Variants in MACROD2 observed in about 807,000 individuals in gnomAD.
MACROD2 encodes mono-ADP ribosylhydrolase 2.
A neutral mutation model predicts 70.4 loss-of-function variants in MACROD2; 36 were observed. The ratio of observed to expected loss-of-function variants is 0.51; its 90% confidence interval spans 0.39 to 0.68. The LOEUF is 0.68. Ranked by LOEUF, MACROD2 falls within the 30% of genes least tolerant of loss-of-function variation. The pLI is 0.00. For missense variants in MACROD2, 496 were observed against 538.4 expected (o/e 0.92, Z 0.78); for synonymous variants, 172 against 178.8 (o/e 0.96, Z 0.30).
chr20:14,214,963 A>ATT (rs2081603027), intron 3 of MACROD2, among the ~76,000 whole-genome samples: 1 of 151,184 alleles, frequency 6.6e-6, no homozygotes, highest in Admixed American at 6.6e-5. Context: ...CTAGTGTTCC[A>ATT]TTATATATAT....
At chr20:15,856,250 T>C (rs556871140) in intron 8 of MACROD2, among the ~76,000 whole-genome samples, 1 of 152,332 alleles carries the variant, frequency 6.6e-6, no homozygotes, top group African/African-American at 2.4e-5. Flanking sequence ...TTTTAATACA[T>C]CCTAGTTTAG....
intron 5 of MACROD2, among the ~76,000 whole-genome samples, chr20:14,981,329 A>T (rs1288974004): frequency 6.6e-6 from 1 of 151,502 alleles, no homozygotes. Flanking sequence ...TTTTCCATTC[A>T]CCTGGGTAAG....
At chr20:14,299,904 A>AT (rs1022380862) in intron 3 of MACROD2, among the ~76,000 whole-genome samples, 4 of 151,652 alleles carry the variant, frequency 2.6e-5, no homozygotes, top group Admixed American at 6.6e-5. Context: ...TAAATTTCAC[A>AT]TTTTTTTTCT....
At chr20:15,024,363 G>A (rs1290115330) in intron 5 of MACROD2, among the ~76,000 whole-genome samples, 1 of 152,036 alleles carries the variant, frequency 6.6e-6, no homozygotes, top group African/African-American at 2.4e-5. Context: ...AAGGAAGAGG[G>A]AGAAGAAGAA....
At position 15,731,944 on chromosome 20, in the gene MACROD2, C is replaced by T. The variant is rs202190727; in HGVS notation, c.646-130801C>T. ...CTATTTTTTGTATTTTTAGTAGAGA[C>T]GGGGTTTCACCATGTTGGCCAGGCT... On this transcript the variant is annotated intron_variant, in intron 8 of 17. Coordinates refer to ENST00000684519, the MANE Select transcript of MACROD2 (RefSeq NM_001351661.2). 1.9e-4 allele frequency among the ~76,000 whole-genome samples: 11 copies of T among 58,570 alleles called. 2 individuals carry two copies. The highest frequency in any genetic ancestry group is 5.2e-4 in the African/African-American group (11 of 21,110). 38.4% of individuals were successfully genotyped at this position (58,570 alleles called of 152,430 possible).
At chr20:15,231,276 T>A (rs894888477) in intron 6 of MACROD2, among the ~76,000 whole-genome samples, 3 of 152,212 alleles carry the variant, frequency 2.0e-5, no homozygotes, top group African/African-American at 4.8e-5. Context: ...CATAAGATCC[T>A]ATTCTCTCTT....
chr20:15,728,931 G>A (rs146828644), intron 8 of MACROD2, among the ~76,000 whole-genome samples: 249 of 151,992 alleles, frequency 1.6e-3, no homozygotes, highest in Middle Eastern at 3.4e-3. Context: ...ACTAGCTTTG[G>A]AGTTTGTTTG....
intron 5 of MACROD2, among the ~76,000 whole-genome samples, chr20:14,716,008 C>G (rs996202639): frequency 6.6e-6 from 1 of 152,158 alleles, no homozygotes; most frequent in African/African-American, 2.4e-5. Flanking sequence ...TGCTCTGTTG[C>G]TATGAAAACT....
intron 1 of MACROD2, among the ~76,000 whole-genome samples, chr20:13,999,593 C>G (rs2052706263): frequency 6.6e-6 from 1 of 152,168 alleles, no homozygotes; most frequent in African/African-American, 2.4e-5. Flanking sequence ...CCTACTTATA[C>G]TGCTTAACTA....
At chr20:15,415,020 C>T (rs956331589) in intron 6 of MACROD2, among the ~76,000 whole-genome samples, 1 of 152,162 alleles carries the variant, frequency 6.6e-6, no homozygotes, top group African/African-American at 2.4e-5. Context: ...TTAGATGATG[C>T]TTGGGTGAGT....
intron 4 of MACROD2, among the ~76,000 whole-genome samples, chr20:14,567,109 C>T (rs1351615085): frequency 6.6e-6 from 1 of 151,608 alleles, no homozygotes; most frequent in Non-Finnish European, 1.5e-5. Context: ...AGGTGTGTGC[C>T]ACCACACCTG....
intron 5 of MACROD2, among the ~76,000 whole-genome samples, chr20:14,832,880 G>A (rs928582243): frequency 6.6e-6 from 1 of 151,998 alleles, no homozygotes; most frequent in Admixed American, 6.6e-5. Context: ...CTGTTTAGGG[G>A]GTTACCACTG....
rs117910220 is a variant in MACROD2, at chr20:14,175,496, A to G, written c.271+89768A>G. ...CCTATGATTAGGTTTTATTTTGTAT[A>G]TGAGTCGGTTTCCCCAGTCTGTAAC... On this transcript the variant is annotated intron_variant, in intron 3 of 17. Coordinates refer to ENST00000684519, the MANE Select transcript of MACROD2 (RefSeq NM_001351661.2). 8.1e-3 allele frequency among the ~76,000 whole-genome samples: 1,233 copies of G among 152,154 alleles called. 9 individuals are homozygous for G. The highest frequency in any genetic ancestry group is 0.014 in the Non-Finnish European group (947 of 68,014).
chr20:14,841,083 T>G (rs915312217), intron 5 of MACROD2, among the ~76,000 whole-genome samples: 1 of 152,166 alleles, frequency 6.6e-6, no homozygotes, highest in African/African-American at 2.4e-5. Flanking sequence ...TTTTTATTGC[T>G]TACACTCTAA....
chr20:15,783,251 G>A (rs1399987450), intron 8 of MACROD2, among the ~76,000 whole-genome samples: 7 of 152,074 alleles, frequency 4.6e-5, no homozygotes, highest in Non-Finnish European at 8.8e-5. Flanking sequence ...ATTTATATGG[G>A]CATCTTTAAC....
At chr20:14,012,184 G>C (rs1056710611) in intron 2 of MACROD2, among the ~76,000 whole-genome samples, 1 of 152,182 alleles carries the variant, frequency 6.6e-6, no homozygotes, top group African/African-American at 2.4e-5. Context: ...TGGGATTACA[G>C]GTGTGAGCCA....
intron 8 of MACROD2, among the ~76,000 whole-genome samples, chr20:15,527,670 A>G (rs1467242026): frequency 6.6e-6 from 1 of 152,166 alleles, no homozygotes; most frequent in Non-Finnish European, 1.5e-5. Context: ...GAGGTCCACT[A>G]CTGGCCTCTG....
At chr20:14,167,637 A>C (rs867264879) in intron 3 of MACROD2, among the ~76,000 whole-genome samples, 2 of 151,888 alleles carry the variant, frequency 1.3e-5, no homozygotes, top group African/African-American at 4.8e-5. Context: ...TGATCCACCC[A>C]CCTCGGCCTC....
chr20:14,938,961 T>A (rs2122701181), intron 5 of MACROD2, among the ~76,000 whole-genome samples: 1 of 149,752 alleles, frequency 6.7e-6, no homozygotes, highest in East Asian at 1.9e-4. Flanking sequence ...TTTTTTTTTT[T>A]TACTATTGAG....
Sources: allele counts gnomAD v4.1 joint callset (sites outside exome capture counted in the v4.1 genomes callset), GRCh38; gene constraint gnomAD v4.1.1; transcripts MANE v1.5; gene names NCBI Gene and HGNC (gene_info 2026-07-23, HGNC 2026-07-21).